GPCPD1: variants seen among roughly 807,000 people sequenced by gnomAD.
The protein encoded by GPCPD1 is glycerophosphocholine phosphodiesterase GPCPD1.
GPCPD1 carries 29 observed loss-of-function variants against 89.2 expected under a neutral mutation model. The ratio of observed to expected loss-of-function variants is 0.33; its 90% CI spans 0.24 to 0.44. The LOEUF is 0.44. GPCPD1 is among the 20% of genes least tolerant of loss of function. The pLI is 1.00. For synonymous variants in GPCPD1, 258 were observed against 266.3 expected, an observed-to-expected ratio of 0.97 and a Z score of 0.30; for missense variants, 594 against 808.9, an observed-to-expected ratio of 0.73 and a Z score of 3.22.
intron 2 of GPCPD1, among the ~76,000 whole-genome samples, chr20:5,602,642 C>T (rs1438563427): frequency 2.0e-5 from 3 of 152,194 alleles, no homozygotes; most frequent in Non-Finnish European, 2.9e-5. Context: ...TGCTCTGATC[C>T]AGGCTCTCTG....
intron 12 of GPCPD1, among the ~76,000 whole-genome samples, chr20:5,569,431 G>C (rs1056210289): frequency 1.3e-5 from 2 of 151,918 alleles, no homozygotes; most frequent in African/African-American, 4.8e-5. Context: ...TCATTATCAT[G>C]ATTATGTTTG....
chr20:5,583,577 A>G (rs973264349), intron 6 of GPCPD1, among the ~76,000 whole-genome samples: 8 of 152,202 alleles, frequency 5.3e-5, no homozygotes, highest in African/African-American at 1.9e-4. Flanking sequence ...TTCTCAGGAT[A>G]TAGTATTTAC....
At chr20:5,589,072 A>G (rs1406846367) in intron 4 of GPCPD1, among the ~76,000 whole-genome samples, 1 of 152,166 alleles carries the variant, frequency 6.6e-6, no homozygotes, top group Non-Finnish European at 1.5e-5. Context: ...CCACTACCCC[A>G]CTGCATAAAA....
chr20:5,602,978 A>C (rs1980272341), intron 2 of GPCPD1, among the ~76,000 whole-genome samples: 1 of 128,680 alleles, frequency 7.8e-6, no homozygotes, highest in South Asian at 2.4e-4. Context: ...GTGAGACTCC[A>C]TCTCAATTAA....
intron 15 of GPCPD1, among the ~76,000 whole-genome samples, chr20:5,564,029 G>A (rs989396970): frequency 2.0e-5 from 3 of 152,052 alleles, no homozygotes; most frequent in African/African-American, 7.2e-5. Context: ...TACTATACCT[G>A]ACACGAGCAG....
intron 19 of GPCPD1, among the ~76,000 whole-genome samples, chr20:5,551,649 G>C (rs1224467175): frequency 6.6e-6 from 1 of 152,146 alleles, no homozygotes; most frequent in East Asian, 1.9e-4. Context: ...AGCTGGGGCA[G>C]GAGAATCACT....
intron 1 of GPCPD1, among the ~76,000 whole-genome samples, chr20:5,607,576 T>A (rs1301496490): frequency 6.6e-6 from 1 of 151,294 alleles, no homozygotes; most frequent in Admixed American, 6.6e-5. Context: ...AGACTCCATC[T>A]CAAAAAAGAA....
intron 19 of GPCPD1, among the ~76,000 whole-genome samples, chr20:5,556,267 G>A (rs564237818): frequency 1.3e-5 from 2 of 152,084 alleles, no homozygotes; most frequent in Admixed American, 1.3e-4. Flanking sequence ...GAGTGCAGTG[G>A]CGCGATCTCG....
chr20:5,570,682 G>A (rs1885482376), intron 11 of GPCPD1, among the ~76,000 whole-genome samples: 1 of 152,138 alleles, frequency 6.6e-6, no homozygotes, highest in Non-Finnish European at 1.5e-5. Context: ...GGCTCCTTAG[G>A]GCACCTGAGC....
intron 2 of GPCPD1, among the ~76,000 whole-genome samples, chr20:5,603,665 C>G (rs986048863): frequency 6.6e-6 from 1 of 151,516 alleles, no homozygotes; most frequent in African/African-American, 2.4e-5. Flanking sequence ...CTTTAAGGGA[C>G]AGCAAAAAAT....
At chr20:5,554,245 G>A (rs184314162) in intron 19 of GPCPD1, among the ~76,000 whole-genome samples, 4 of 150,866 alleles carry the variant, frequency 2.7e-5, no homozygotes, top group Admixed American at 2.0e-4. Flanking sequence ...CGGCCTCCCA[G>A]AGTGCTGGGA....
At chr20:5,550,141 C>T (rs1009871564) in intron 19 of GPCPD1, among the ~76,000 whole-genome samples, 14 of 151,640 alleles carry the variant, frequency 9.2e-5, no homozygotes, top group African/African-American at 3.4e-4. Flanking sequence ...TTGCAGTGAG[C>T]CCAGATCGCA....
At position 5,573,972 on chromosome 20, in the gene GPCPD1, GA is replaced by G; in HGVS notation, c.1002-4del. 7.1e-7 allele frequency: 1 copy of G among 1,411,634 alleles called. No homozygotes were observed. The highest frequency in any genetic ancestry group is 1.2e-5 in the South Asian group (1 of 86,924). 87.4% of individuals were successfully genotyped at this position (1,411,634 alleles called of 1,614,324 possible). ...TATTTTCTTGAACTTTAGCCAGCCT[GA>G]AAAGAAGAAATACAGTTAACATAGA... On this transcript the variant is annotated splice_region_variant and splice_polypyrimidine_tract_variant and intron_variant, in intron 10 of 19. Transcript: ENST00000379019.
intron 1 of GPCPD1, among the ~76,000 whole-genome samples, chr20:5,606,029 A>C (rs2063215960): frequency 6.6e-6 from 1 of 152,192 alleles, no homozygotes; most frequent in South Asian, 2.1e-4. Context: ...AATAAGAAAG[A>C]AGTCTAAACT....
At chr20:5,581,814 C>CTTTTTTTTTTTTTTTTTTTT (rs11479995) in intron 6 of GPCPD1, among the ~76,000 whole-genome samples, 1 of 75,030 alleles carries the variant, frequency 1.3e-5, no homozygotes, top group East Asian at 5.0e-4. Flanking sequence ...GGGACTTTAA[C>CTTTTTTTTTTTTTTTTTTTT]TTTTTTTTTT....
chr20:5,550,709 C>T (rs537552796), intron 19 of GPCPD1, among the ~76,000 whole-genome samples: 2 of 152,330 alleles, frequency 1.3e-5, no homozygotes, highest in African/African-American at 2.4e-5. Flanking sequence ...GAGTTCTATA[C>T]ACAGCCATGA....
At chr20:5,575,636 G>T in intron 9 of GPCPD1, 91 bp from the exon 10 acceptor site, 1 of 946,316 alleles carries the variant, frequency 1.1e-6, no homozygotes, top group Non-Finnish European at 1.6e-6. Context: ...ACTCAAGTCA[G>T]CTTTATCAGT....
chr20:5,602,371 C>G (rs541078159), intron 2 of GPCPD1, among the ~76,000 whole-genome samples: 1 of 152,332 alleles, frequency 6.6e-6, no homozygotes, highest in Non-Finnish European at 1.5e-5. Flanking sequence ...AGAGAAAATT[C>G]CGTCTTCTCT....
chr20:5,549,432 A>C, intron 19 of GPCPD1: 1 of 1,209,920 alleles, frequency 8.3e-7, no homozygotes, highest in Non-Finnish European at 1.2e-6. Flanking sequence ...TCCCATGCAG[A>C]CACAGCTACT....
Sources: gnomAD v4.1 joint callset for allele counts (sites outside exome capture counted in the v4.1 genomes callset) on GRCh38, gnomAD v4.1.1 for gene constraint, MANE v1.5 for transcripts, NCBI Gene and HGNC (gene_info 2026-07-23, HGNC 2026-07-21) for gene names.